GLIS3: variants seen among roughly 807,000 people sequenced by gnomAD.
GLIS3 encodes zinc finger protein GLIS3.
Under a neutral mutation model 78.6 loss-of-function variants are expected in GLIS3, and 53 were observed. That is an observed-to-expected ratio of 0.67 (90% CI 0.54 to 0.85). The LOEUF is 0.85. Among genes scored for constraint, GLIS3 ranks in the 40% least tolerant of loss-of-function variants. The probability of loss-of-function intolerance (pLI) is 0.00; values close to 1 mark genes in which losing one functional copy is unlikely to be tolerated. For synonymous variants in GLIS3, 684 were observed against 509.9 expected (o/e 1.34, Z -4.60); for missense variants, 1,703 against 1,231.1 (o/e 1.38, Z -5.74).
chr9:4,024,038 A>AC (rs1186411672), intron 4 of GLIS3, among the ~76,000 whole-genome samples: 8 of 151,838 alleles, frequency 5.3e-5, no homozygotes, highest in South Asian at 2.1e-4. Context: ...AAAAAAACAA[A>AC]AAAAAAAATA....
chr9:4,095,566 G>C (rs538661167), intron 4 of GLIS3, among the ~76,000 whole-genome samples: 1 of 152,188 alleles, frequency 6.6e-6, no homozygotes, highest in African/African-American at 2.4e-5. Flanking sequence ...AAGAGGAAGA[G>C]TCTGGGCCTA....
chr9:4,473,756 C>G, the GLIS3 span, among the ~76,000 whole-genome samples: 3 of 151,946 alleles, frequency 2.0e-5, no homozygotes, highest in Non-Finnish European at 2.9e-5. Context: ...ACATAACCAA[C>G]CTGCACATGC....
At chr9:4,458,876 G>C in the GLIS3 span, among the ~76,000 whole-genome samples, 1 of 152,166 alleles carries the variant, frequency 6.6e-6, no homozygotes, top group African/African-American at 2.4e-5. Flanking sequence ...TCTAAAGTGG[G>C]AAAGTGACAT....
intron 4 of GLIS3, among the ~76,000 whole-genome samples, chr9:4,003,816 T>C (rs770434321): frequency 6.6e-6 from 1 of 152,236 alleles, no homozygotes; most frequent in Non-Finnish European, 1.5e-5. Context: ...ACGCTTACTC[T>C]TGCAACTTTC....
the GLIS3 span, among the ~76,000 whole-genome samples, chr9:4,358,163 T>C: frequency 2.6e-5 from 4 of 152,080 alleles, no homozygotes; most frequent in South Asian, 2.1e-4. Context: ...TGTGTGTATA[T>C]ATGCAAAGAA....
chr9:4,395,001 T>C, the GLIS3 span, among the ~76,000 whole-genome samples: 5 of 152,206 alleles, frequency 3.3e-5, no homozygotes, highest in African/African-American at 1.2e-4. Flanking sequence ...GATGACTAAT[T>C]GCTGATTTAA....
the GLIS3 span, among the ~76,000 whole-genome samples, chr9:4,404,143 T>C: frequency 2.0e-5 from 3 of 152,114 alleles, no homozygotes; most frequent in African/African-American, 7.2e-5. Flanking sequence ...TATTAAATAA[T>C]GACAAAGGGG....
At chr9:4,450,651 T>C in the GLIS3 span, among the ~76,000 whole-genome samples, 6 of 152,200 alleles carry the variant, frequency 3.9e-5, no homozygotes, top group African/African-American at 1.4e-4. Context: ...GCAGATCTCT[T>C]GGCAGAAACT....
intron 2 of GLIS3, among the ~76,000 whole-genome samples, chr9:4,316,547 T>A (rs573869730): frequency 4.7e-4 from 72 of 152,322 alleles, no homozygotes; most frequent in African/African-American, 1.6e-3. Flanking sequence ...TCTCTACATG[T>A]CTATGTGGGT....
chr9:4,209,201 G>C (rs1332932182), intron 2 of GLIS3, among the ~76,000 whole-genome samples: 3 of 152,110 alleles, frequency 2.0e-5, no homozygotes, highest in African/African-American at 7.2e-5. Context: ...AAATGAAGAT[G>C]CTCACTCAAA....
chr9:4,040,453 A>G (rs1481343911), intron 4 of GLIS3, among the ~76,000 whole-genome samples: 1 of 152,234 alleles, frequency 6.6e-6, no homozygotes, highest in Non-Finnish European at 1.5e-5. Context: ...TGCTACATTT[A>G]CGATAGAAAA....
the GLIS3 span, among the ~76,000 whole-genome samples, chr9:4,418,422 G>A: frequency 1.3e-5 from 2 of 152,168 alleles, no homozygotes; most frequent in Non-Finnish European, 2.9e-5. Flanking sequence ...TAAAACCTCT[G>A]AACTAAGTAT....
chr9:4,351,858 A>T (rs116348435), upstream of GLIS3, among the ~76,000 whole-genome samples: 996 of 151,196 alleles, frequency 6.6e-3, 12 homozygotes, highest in African/African-American at 0.023. Context: ...ATGAATGCAC[A>T]GTTTTCTTAA....
Position 3,829,406 on chromosome 9 carries a change from C to A in GLIS3, c.2560G>T (p.Val854Leu), listed in dbSNP as rs779407555. ...IVPPVSSCSV[V>L]PSFEDCLVPT... The stretch of plus-strand genomic sequence containing the variant: ...ACTAGGCAGTCCTCAAACGAAGGCA[C>A]CACACTGCAGGAGCTGACAGGCGGC... Residue 854 changes from valine to leucine, a missense_variant, in exon 10 of 11, where the codon GTG becomes TTG. By Grantham distance (32) the Val-to-Leu change is conservative. Transcript: ENST00000381971. 1.9e-6 allele frequency: 3 copies of A among 1,614,122 alleles called. No homozygotes were observed. The highest frequency in any genetic ancestry group is 8.5e-7 in the Non-Finnish European group (1 of 1,180,014).
chr9:4,402,280 T>C, the GLIS3 span, among the ~76,000 whole-genome samples: 3 of 152,192 alleles, frequency 2.0e-5, no homozygotes, highest in Admixed American at 6.5e-5. Context: ...TCTACAAATA[T>C]GCAAAAACCA....
At position 4,280,657 on chromosome 9, in the gene GLIS3, G is replaced by A. The variant is rs568802089; in HGVS notation, c.388+5381C>T. On this transcript the variant is annotated intron_variant, in intron 2 of 10. Transcript: ENST00000381971. Reference sequence around the variant, plus strand: ...TTGGTTAATTTAAATGGGAATAGCTGGGTAGGGCACCTGGGAAAGCTGTTT... The same window carrying A: ...TTGGTTAATTTAAATGGGAATAGCTAGGTAGGGCACCTGGGAAAGCTGTTT... Among the ~76,000 whole-genome samples, 273 of 152,248 alleles carry A rather than the reference G, an allele frequency of 1.8e-3. 10 individuals carry two copies. The highest frequency in any genetic ancestry group is 0.017 in the Admixed American group (255 of 15,290).
At chr9:3,857,010 G>A (rs1588096595) in intron 8 of GLIS3, among the ~76,000 whole-genome samples, 1 of 152,338 alleles carries the variant, frequency 6.6e-6, no homozygotes, top group Non-Finnish European at 1.5e-5. Context: ...TAAAATGACA[G>A]TTTATGCTTT....
intron 2 of GLIS3, among the ~76,000 whole-genome samples, chr9:4,261,510 T>C (rs921499806): frequency 3.9e-5 from 6 of 152,056 alleles, no homozygotes; most frequent in African/African-American, 1.4e-4. Context: ...AACCAGGCCT[T>C]TTTCTTACTG....
the GLIS3 span, among the ~76,000 whole-genome samples, chr9:4,397,100 A>C: frequency 7.4e-3 from 957 of 130,026 alleles, 57 homozygotes; most frequent in Admixed American, 0.074. Context: ...ATCTTGGCTC[A>C]CTGCAAGCTC....
Sources: gnomAD v4.1 joint callset for allele counts (sites outside exome capture counted in the v4.1 genomes callset) on GRCh38, gnomAD v4.1.1 for gene constraint, MANE v1.5 for transcripts, NCBI Gene and HGNC (gene_info 2026-07-23, HGNC 2026-07-21) for gene names.